The following TMEM9B variants were observed in gnomAD, a reference collection of about 807,000 sequenced individuals.
TMEM9B encodes TMEM9 domain family member B, also known as transmembrane protein 9B.
In TMEM9B, 8 loss-of-function variants were observed where a neutral mutation model predicts 23.5. That is an observed-to-expected ratio of 0.34 (90% CI 0.20 to 0.61). TMEM9B has a LOEUF of 0.61. Ranked by LOEUF, TMEM9B falls within the 20% of genes least tolerant of loss-of-function variation. The probability of loss-of-function intolerance (pLI) is 0.78; values close to 1 mark genes in which losing one functional copy is unlikely to be tolerated. For missense variants in TMEM9B, 197 were observed against 252.3 expected (o/e 0.78, Z 1.49); for synonymous variants, 106 against 96.3 (o/e 1.10, Z -0.59).
intron 4 of TMEM9B, among the ~76,000 whole-genome samples, chr11:8,952,257 C>T (rs916454632): frequency 4.7e-4 from 33 of 70,716 alleles, no homozygotes; most frequent in East Asian, 1.3e-3. Context: ...TATACACACA[C>T]ACACACACAC....
In TMEM9B at chr11:8,960,799, G is replaced by C. The variant is rs1045406912; in HGVS notation, c.197+1293C>G. On this transcript the variant is annotated intron_variant, in intron 2 of 4. Coordinates refer to ENST00000534025, the MANE Select transcript of TMEM9B (RefSeq NM_020644.3). Reference sequence around the variant, plus strand: ...CGGGTTCAAGCGATTCTCCTGCCTCGGCCTCCCGAGTGGCTGGGATTACAG... The same window carrying C: ...CGGGTTCAAGCGATTCTCCTGCCTCCGCCTCCCGAGTGGCTGGGATTACAG... Among the ~76,000 whole-genome samples, 8 of 151,268 alleles carry C rather than the reference G, an allele frequency of 5.3e-5. 1 individual carries two copies. Among genetic ancestry groups the C allele is most frequent in the Admixed American group, 2.6e-4 (4 of 15,174 alleles).
In TMEM9B at chr11:8,947,672, A is replaced by G. The variant is rs1255859304; in HGVS notation, c.*648T>C. On this transcript the variant is annotated 3_prime_UTR_variant, in exon 5 of 5. Coordinates refer to ENST00000534025, the MANE Select transcript of TMEM9B (RefSeq NM_020644.3). ...GATGCATTGCATCAGACATCACAGT[A>G]CATGAAGAAAATCTGCTTTTTGTGA... The G allele has an allele frequency of 6.5e-6, 1 of 152,802 alleles. No homozygotes were observed. Among genetic ancestry groups the G allele is most frequent in the African/African-American group, 2.4e-5 (1 of 41,452 alleles). 9.5% of individuals were successfully genotyped at this position (152,802 alleles called of 1,614,324 possible).
At chr11:8,959,841 C>T (rs1034689422) in intron 2 of TMEM9B, among the ~76,000 whole-genome samples, 2 of 152,184 alleles carry the variant, frequency 1.3e-5, no homozygotes, top group African/African-American at 2.4e-5. Flanking sequence ...AGTTTTAAGT[C>T]AGCCAGCATA....
intron 2 of TMEM9B, among the ~76,000 whole-genome samples, chr11:8,960,743 G>A (rs537883977): frequency 1.3e-5 from 2 of 151,118 alleles, no homozygotes; most frequent in African/African-American, 4.9e-5. Context: ...GTGCAGTGGC[G>A]CGATCTCGGC....
intron 2 of TMEM9B, among the ~76,000 whole-genome samples, chr11:8,961,385 C>A (rs1315700902): frequency 6.6e-6 from 1 of 152,196 alleles, no homozygotes; most frequent in African/African-American, 2.4e-5. Context: ...TAAAACATCA[C>A]AATTCTATGG....
intron 1 of TMEM9B, 92 bp downstream of exon 1, chr11:8,964,117 A>G: frequency 7.8e-7 from 1 of 1,280,146 alleles, no homozygotes; most frequent in Non-Finnish European, 1.1e-6. Flanking sequence ...GCTGTCAGGA[A>G]TGGGCCAAGG....
At chr11:8,955,346 G>C (rs2568070) in intron 3 of TMEM9B, among the ~76,000 whole-genome samples, 36,827 of 151,822 alleles carry the variant, frequency 0.24, 4,670 homozygotes, top group East Asian at 0.44. Context: ...GTAGGGGATG[G>C]TTTGGGTATG....
intron 1 of TMEM9B, 33 bp downstream of exon 1, chr11:8,964,176 C>G: frequency 6.5e-7 from 1 of 1,548,398 alleles, no homozygotes; most frequent in Non-Finnish European, 8.7e-7. Context: ...AGGGGAGGAG[C>G]TTCCGTCAGG....
intron 3 of TMEM9B, 72 bp from the exon 4 acceptor site, chr11:8,953,409 A>T (rs1297910093): frequency 1.3e-5 from 19 of 1,480,704 alleles, no homozygotes; most frequent in Non-Finnish European, 1.5e-5. Context: ...GATAATAGTA[A>T]AACTGACTGA....
intron 4 of TMEM9B, 42 bp from the exon 5 acceptor site, chr11:8,948,517 A>G (rs200166043): frequency 8.2e-6 from 13 of 1,594,044 alleles, no homozygotes; most frequent in African/African-American, 1.3e-5. Context: ...TGGCACAGTC[A>G]GTGTAAAACA....
chr11:8,953,338 C>T lies in TMEM9B; in HGVS notation c.307-1G>A, dbSNP rs1853917669. 6.2e-7 allele frequency: 1 copy of T among 1,611,872 alleles called. No individual in the cohort carries two copies. The highest frequency in any genetic ancestry group is 8.5e-7 in the Non-Finnish European group (1 of 1,178,986). On this transcript the variant is annotated splice_acceptor_variant, in intron 3 of 4. Transcript: ENST00000534025. LOFTEE classifies it high-confidence loss of function. ...TGGAGAGATAAATTATAATGGTAAC[C>T]TAAAGGAAATTGAAAATTAAGTTAC...
intron 4 of TMEM9B, 51 bp downstream of exon 4, chr11:8,953,152 G>T: frequency 6.2e-7 from 1 of 1,611,918 alleles, no homozygotes; most frequent in Non-Finnish European, 8.5e-7. Flanking sequence ...ACTTCACATC[G>T]AATGATGACA....
chr11:8,950,158 G>T (rs767868918), intron 4 of TMEM9B, among the ~76,000 whole-genome samples: 1 of 151,802 alleles, frequency 6.6e-6, no homozygotes, highest in Non-Finnish European at 1.5e-5. Context: ...AAAGGAGGCA[G>T]GCTAAAGTTA....
chr11:8,959,569 T>C (rs755390657), intron 2 of TMEM9B, among the ~76,000 whole-genome samples: 4 of 152,240 alleles, frequency 2.6e-5, no homozygotes, highest in Non-Finnish European at 5.9e-5. Context: ...GAATTTTAAG[T>C]GCTAAGTAAG....
intron 4 of TMEM9B, among the ~76,000 whole-genome samples, chr11:8,949,889 AT>A (rs11476286): frequency 0.53 from 72,552 of 137,276 alleles, 18,490 homozygotes; most frequent in East Asian, 0.66. Flanking sequence ...CATGAACTTA[AT>A]TTTTTTTTTT....
chr11:8,949,766 A>G (rs547101571), intron 4 of TMEM9B, among the ~76,000 whole-genome samples: 26 of 152,250 alleles, frequency 1.7e-4, no homozygotes, highest in African/African-American at 6.3e-4. Flanking sequence ...AATTCCTTCA[A>G]CTTTTCACTT....
chr11:8,960,624 G>A (rs1160209209), intron 2 of TMEM9B, among the ~76,000 whole-genome samples: 5 of 151,724 alleles, frequency 3.3e-5, no homozygotes, highest in Non-Finnish European at 4.4e-5. Flanking sequence ...AGAATAAACT[G>A]TAAGCACTGA....
upstream of TMEM9B, chr11:8,964,496 C>G: frequency 1.4e-6 from 2 of 1,412,030 alleles, no homozygotes; most frequent in Non-Finnish European, 1.8e-6. Flanking sequence ...GCATCCGCCC[C>G]GGAACCGGTT....
At chr11:8,963,485 T>C (rs1235850268) in intron 1 of TMEM9B, among the ~76,000 whole-genome samples, 2 of 152,162 alleles carry the variant, frequency 1.3e-5, no homozygotes, top group African/African-American at 4.8e-5. Context: ...GAGAACAGTA[T>C]GAGGGAACTA....
Sources: gnomAD v4.1 joint callset for allele counts (sites outside exome capture counted in the v4.1 genomes callset) on GRCh38, gnomAD v4.1.1 for gene constraint, MANE v1.5 for transcripts, NCBI Gene and HGNC (gene_info 2026-07-23, HGNC 2026-07-21) for gene names.